Variants in NUTM2E observed in about 807,000 individuals in gnomAD.
NUTM2E encodes NUT family member 2E, also known as family with sequence similarity 22, member E.
In NUTM2E, 3 loss-of-function variants were observed where a neutral mutation model predicts 26.1. That is an observed-to-expected ratio of 0.12 (90% CI 0.05 to 0.30). The LOEUF (loss-of-function observed/expected upper bound fraction) is 0.30. Ranked by LOEUF, NUTM2E falls within the 10% of genes least tolerant of loss-of-function variation. The pLI, the probability that NUTM2E is intolerant of heterozygous loss-of-function variation, is 1.00. For missense variants in NUTM2E, 62 were observed against 381.3 expected (o/e 0.16, Z 6.97); for synonymous variants, 13 against 157.5 (o/e 0.08, Z 6.87).
chr10:79,827,856 C>A (rs1205560161), intron 1 of NUTM2E, among the ~76,000 whole-genome samples: 1 of 146,314 alleles, frequency 6.8e-6, no homozygotes, highest in African/African-American at 2.5e-5. Flanking sequence ...CAGGCTGGCA[C>A]GATCTTGGCT....
chr10:79,833,487 G>A (rs999002288), intron 1 of NUTM2E, among the ~76,000 whole-genome samples: 1 of 151,348 alleles, frequency 6.6e-6, no homozygotes, highest in Non-Finnish European at 1.5e-5. Flanking sequence ...AATATCCAGA[G>A]TTTACAAAGA....
chr10:79,828,490 ACT>A (rs1841905553), intron 1 of NUTM2E, among the ~76,000 whole-genome samples: 1 of 151,522 alleles, frequency 6.6e-6, no homozygotes, highest in Non-Finnish European at 1.5e-5. Flanking sequence ...CTTCTGTCAC[ACT>A]CTATATTTTT....
chr10:79,834,746 A>G (rs1348959572), intron 1 of NUTM2E, among the ~76,000 whole-genome samples: 1 of 149,910 alleles, frequency 6.7e-6, no homozygotes, highest in Non-Finnish European at 1.5e-5. Flanking sequence ...AGCCTAAATT[A>G]AAAATATTTC....
rs1293881973 is a variant in NUTM2E at position 79,849,351 on chromosome 10, C to G, written c.1735-20C>G. The G allele has an allele frequency of 1.1e-5, 7 of 611,288 alleles. 1 individual carries two copies. The South Asian group carries it at 1.3e-4, about 12-fold the overall frequency. 37.9% of individuals were successfully genotyped at this position (611,288 alleles called of 1,614,324 possible). Reference sequence around the variant, plus strand: ...TACTCCGTGCCCAGGAAGCTCACACCTTCTTCCTTCTGTTTCCAGGTGGAG... The same window carrying G: ...TACTCCGTGCCCAGGAAGCTCACACGTTCTTCCTTCTGTTTCCAGGTGGAG... On this transcript the variant is annotated intron_variant, in intron 8 of 9. Coordinates refer to ENST00000429984, the MANE Select transcript of NUTM2E (RefSeq NM_001355263.2).
chr10:79,832,791 A>G (rs1403516299), intron 1 of NUTM2E, among the ~76,000 whole-genome samples: 6 of 151,800 alleles, frequency 4.0e-5, no homozygotes, highest in African/African-American at 1.2e-4. Flanking sequence ...TTTTTAAAAT[A>G]AAAGTGTTAG....
chr10:79,834,843 CA>C (rs879850905), intron 1 of NUTM2E, among the ~76,000 whole-genome samples: 1 of 145,050 alleles, frequency 6.9e-6, no homozygotes, highest in Non-Finnish European at 1.5e-5. Context: ...CACACACACA[CA>C]AACACACAAA....
chr10:79,837,114 CA>C (rs1372137854), intron 1 of NUTM2E, among the ~76,000 whole-genome samples: 1 of 151,912 alleles, frequency 6.6e-6, no homozygotes, highest in Non-Finnish European at 1.5e-5. Flanking sequence ...GGCAGGCTCA[CA>C]GTGACTTTTT....
At chr10:79,834,760 A>T (rs989835905) in intron 1 of NUTM2E, among the ~76,000 whole-genome samples, 5 of 149,910 alleles carry the variant, frequency 3.3e-5, no homozygotes, top group African/African-American at 4.9e-5. Context: ...ATATTTCTTA[A>T]GAAAAAGATT....
chr10:79,838,583 C>G lies in NUTM2E; in HGVS notation c.-2453C>G, dbSNP rs528294127. 6.7e-6 allele frequency among the ~76,000 whole-genome samples: 1 copy of G among 148,948 alleles called. No homozygotes were observed. The highest frequency in any genetic ancestry group is 2.4e-5 in the African/African-American group (1 of 40,828). On this transcript the variant is annotated 5_prime_UTR_variant, in exon 2 of 10. Transcript: ENST00000429984. ...TTACACCTCCCCCCTCACTTCAGGG[C>G]CAGGTGAGCAAGGGAAAGGAGCGCG...
chr10:79,830,820 A>G (rs1477373960), intron 1 of NUTM2E, among the ~76,000 whole-genome samples: 1 of 151,792 alleles, frequency 6.6e-6, no homozygotes, highest in Non-Finnish European at 1.5e-5. Context: ...AGATGCTGCC[A>G]TGTGTAGGCG....
At chr10:79,834,654 C>CCTG (rs1841949399) in intron 1 of NUTM2E, among the ~76,000 whole-genome samples, 1 of 145,594 alleles carries the variant, frequency 6.9e-6, no homozygotes, top group Non-Finnish European at 1.5e-5. Flanking sequence ...GGCAACAGAG[C>CCTG]GATGCTCCAT....
intron 1 of NUTM2E, among the ~76,000 whole-genome samples, chr10:79,837,158 C>G (rs1322919398): frequency 2.6e-5 from 4 of 151,862 alleles, no homozygotes; most frequent in Admixed American, 2.6e-4. Context: ...AAGGTAGAAA[C>G]CAAAGCAAGT....
intron 1 of NUTM2E, among the ~76,000 whole-genome samples, chr10:79,827,967 G>C (rs2246526): frequency 2.0e-5 from 3 of 150,438 alleles, no homozygotes; most frequent in East Asian, 2.0e-4. Context: ...CTAATTTTTT[G>C]TGTTTTTATT....
chr10:79,832,337 G>A (rs1201211271), intron 1 of NUTM2E, among the ~76,000 whole-genome samples: 1 of 151,714 alleles, frequency 6.6e-6, no homozygotes, highest in African/African-American at 2.4e-5. Flanking sequence ...TATGTTTATC[G>A]TGGGGAAGAA....
intron 1 of NUTM2E, among the ~76,000 whole-genome samples, chr10:79,836,377 C>T (rs1841963728): frequency 6.6e-6 from 1 of 151,838 alleles, no homozygotes; most frequent in Admixed American, 6.6e-5. Context: ...TTCTGAGGGA[C>T]AATAGCATTT....
chr10:79,832,747 A>G (rs1443627291), intron 1 of NUTM2E, among the ~76,000 whole-genome samples: 1 of 151,888 alleles, frequency 6.6e-6, no homozygotes, highest in East Asian at 1.9e-4. Flanking sequence ...CAAAAAGCCT[A>G]TATCTTTGAT....
rs1842017635 is a variant in NUTM2E, at chr10:79,845,378, A to T, written c.1082+506A>T. Among the ~76,000 whole-genome samples, 4 of 113,298 alleles carry T rather than the reference A, an allele frequency of 3.5e-5. No individual in the cohort carries two copies. The South Asian group carries it at 9.8e-4, about 28-fold the overall frequency. 74.3% of individuals were successfully genotyped at this position (113,298 alleles called of 152,430 possible). ...ACAGGGGGATGGTCTCGGGCCCTGC[A>T]CTGGGGCCGATGCCGGGCAGGTATT... On this transcript the variant is annotated intron_variant, in intron 5 of 9. Transcript: ENST00000429984.
chr10:79,835,327 A>G (rs1485090993), intron 1 of NUTM2E, among the ~76,000 whole-genome samples: 1 of 151,542 alleles, frequency 6.6e-6, no homozygotes, highest in African/African-American at 2.4e-5. Context: ...TAACTTTATT[A>G]TATGTTAAGC....
intron 4 of NUTM2E, among the ~76,000 whole-genome samples, chr10:79,843,757 T>G (rs1158268725): frequency 1.1e-5 from 1 of 94,648 alleles, no homozygotes; most frequent in African/African-American, 4.3e-5. Flanking sequence ...GCTTCTGGCT[T>G]CCTGTCGGCC....
Sources: allele counts gnomAD v4.1 joint callset (sites outside exome capture counted in the v4.1 genomes callset), GRCh38; gene constraint gnomAD v4.1.1; transcripts MANE v1.5; gene names NCBI Gene and HGNC (gene_info 2026-07-23, HGNC 2026-07-21).